The following DOK6 variants were observed in gnomAD, a reference collection of about 807,000 sequenced individuals.
DOK6 encodes the protein downstream of tyrosine kinase 6.
Under a neutral mutation model 44.0 loss-of-function variants are expected in DOK6, and 22 were observed. The ratio of observed to expected loss-of-function variants is 0.50; its 90% confidence interval spans 0.36 to 0.71. The LOEUF (loss-of-function observed/expected upper bound fraction) is 0.71, where lower values mean the gene tolerates loss of function less well. DOK6 is among the 30% of genes least tolerant of loss of function. The pLI, the probability that DOK6 is intolerant of heterozygous loss-of-function variation, is 0.00. For synonymous variants in DOK6, 166 were observed against 145.5 expected, an observed-to-expected ratio of 1.14 and a Z score of -1.01; for missense variants, 340 against 416.4, an observed-to-expected ratio of 0.82 and a Z score of 1.60.
intron 5 of DOK6, among the ~76,000 whole-genome samples, chr18:69,725,221 C>T (rs910776478): frequency 2.0e-5 from 3 of 152,180 alleles, no homozygotes; most frequent in African/African-American, 7.2e-5. Context: ...CTCATTCGGG[C>T]AGCTTTCCCG....
At chr18:69,675,340 G>A (rs58014198) in intron 3 of DOK6, among the ~76,000 whole-genome samples, 2,042 of 152,278 alleles carry the variant, frequency 0.013, 48 homozygotes, top group African/African-American at 0.047. Flanking sequence ...TGCTTAAAGA[G>A]AATATTGGCA....
chr18:69,722,974 A>C (rs1053020298), intron 5 of DOK6, among the ~76,000 whole-genome samples: 2 of 152,202 alleles, frequency 1.3e-5, no homozygotes, highest in African/African-American at 4.8e-5. Flanking sequence ...TCATGTTTTA[A>C]AAAGAGCCCC....
At chr18:69,834,960 G>A (rs959893510) in intron 7 of DOK6, among the ~76,000 whole-genome samples, 9 of 152,120 alleles carry the variant, frequency 5.9e-5, no homozygotes, top group African/African-American at 2.2e-4. Flanking sequence ...CTTGGCCTCA[G>A]GCAAGAGAGC....
chr18:69,595,996 G>A (rs1214605685), intron 2 of DOK6, among the ~76,000 whole-genome samples: 1 of 152,142 alleles, frequency 6.6e-6, no homozygotes, highest in East Asian at 1.9e-4. Flanking sequence ...TCAACCGGGT[G>A]TGGAAAAGTT....
chr18:69,699,404 A>T (rs999092432), intron 5 of DOK6, among the ~76,000 whole-genome samples: 1 of 152,200 alleles, frequency 6.6e-6, no homozygotes, highest in Non-Finnish European at 1.5e-5. Flanking sequence ...TATTTACTCA[A>T]TGTCACATTC....
chr18:69,757,167 C>G (rs1979381654), intron 6 of DOK6, among the ~76,000 whole-genome samples: 1 of 152,074 alleles, frequency 6.6e-6, no homozygotes, highest in South Asian at 2.1e-4. Flanking sequence ...TCAGAGAATA[C>G]CTTTTTTAAT....
chr18:69,604,903 A>G (rs1382449754), intron 3 of DOK6, among the ~76,000 whole-genome samples: 2 of 152,136 alleles, frequency 1.3e-5, no homozygotes, highest in Non-Finnish European at 2.9e-5. Flanking sequence ...GTACAGGTGC[A>G]GTTTTGTTAT....
intron 5 of DOK6, among the ~76,000 whole-genome samples, chr18:69,727,121 A>T (rs973120825): frequency 4.6e-5 from 7 of 152,056 alleles, no homozygotes; most frequent in African/African-American, 1.7e-4. Flanking sequence ...GGCCTCCCAG[A>T]GTGCTTGGTT....
intron 7 of DOK6, among the ~76,000 whole-genome samples, chr18:69,822,170 G>A (rs10513978): frequency 0.26 from 39,932 of 151,996 alleles, 5,254 homozygotes; most frequent in Non-Finnish European, 0.27. Context: ...GAGTCTTACT[G>A]AATAATGGGT....
chr18:69,598,822 G>T (rs1419553522), intron 2 of DOK6, among the ~76,000 whole-genome samples: 5 of 151,944 alleles, frequency 3.3e-5, no homozygotes, highest in African/African-American at 4.8e-5. Context: ...ATAAATCTTG[G>T]ATGGGCTTTG....
In DOK6 at chr18:69,601,698, A is replaced by G. The variant is rs531414161; in HGVS notation, c.289+2200A>G. On this transcript the variant is annotated intron_variant, in intron 3 of 7. Coordinates refer to ENST00000382713, the MANE Select transcript of DOK6 (RefSeq NM_152721.6). ...TTTAATTTAAAGGCCATCAAGATTT[A>G]GAATTTTAAAATAAAACTCCCAAGT... Among the ~76,000 whole-genome samples, 3 of 152,366 alleles carry G rather than the reference A, an allele frequency of 2.0e-5. No individual in the cohort carries two copies. The East Asian group carries it at 5.8e-4, about 29-fold the overall frequency.
chr18:69,469,667 A>C (rs1980034489), intron 1 of DOK6: 1 of 246,850 alleles, frequency 4.1e-6, no homozygotes, highest in Non-Finnish European at 8.4e-6. Flanking sequence ...GAGCCTGGGC[A>C]CTGCCGCCCC....
At position 69,745,495 on chromosome 18, in the gene DOK6, C is replaced by T. The variant is rs977220844; in HGVS notation, c.738+6392C>T. Among the ~76,000 whole-genome samples the T allele has an allele frequency of 5.9e-5, 9 of 152,134 alleles. No homozygotes were observed. In the East Asian group the frequency reaches 7.7e-4, roughly 13 times the overall value. ...AGAAGTATTTTTTAAATGTAGGCCA[C>T]GAAAATCTAAGGAGTTGATATAAGC... On this transcript the variant is annotated intron_variant, in intron 6 of 7. Transcript: ENST00000382713.
intron 1 of DOK6, chr18:69,483,864 G>A (rs941038636): frequency 3.9e-5 from 6 of 152,026 alleles, no homozygotes; most frequent in East Asian, 1.9e-4. Flanking sequence ...TGGCATCTCC[G>A]CTGTTAATTG....
intron 7 of DOK6, among the ~76,000 whole-genome samples, chr18:69,776,130 A>T (rs1031959226): frequency 7.2e-5 from 11 of 152,022 alleles, no homozygotes; most frequent in Non-Finnish European, 1.6e-4. Context: ...ACATCTTATA[A>T]ATATTAGACT....
intron 1 of DOK6, among the ~76,000 whole-genome samples, chr18:69,540,115 C>T (rs2144580391): frequency 6.6e-6 from 1 of 152,302 alleles, no homozygotes; most frequent in African/African-American, 2.4e-5. Context: ...AGGATCCAAT[C>T]ACCTCCCACC....
intron 1 of DOK6, among the ~76,000 whole-genome samples, chr18:69,455,156 C>CAAAAAA (rs58451274): frequency 1.0e-4 from 12 of 117,368 alleles, no homozygotes; most frequent in Non-Finnish European, 1.8e-4. Flanking sequence ...ATAGCTATAG[C>CAAAAAA]AAAAAAAAAA....
chr18:69,822,836 A>T (rs898891405), intron 7 of DOK6, among the ~76,000 whole-genome samples: 4 of 152,238 alleles, frequency 2.6e-5, no homozygotes, highest in Non-Finnish European at 4.4e-5. Context: ...TGTTGGGACC[A>T]GTGTGTTATA....
rs140275299 is a variant in DOK6 at position 69,835,674 on chromosome 18, G to A, written c.857-5570G>A. Among the ~76,000 whole-genome samples the A allele has an allele frequency of 1.7e-3, 263 of 152,244 alleles. 1 individual carries two copies. Among genetic ancestry groups the A allele is most frequent in the Non-Finnish European group, 3.0e-3 (202 of 68,022 alleles). ...AGCTTACTTGTTAAAGGATGACAGC[G>A]TCTCCTCTGTGTCTATCTAGGCCCA... is the stretch of plus-strand genomic sequence containing the variant. On this transcript the variant is annotated intron_variant, in intron 7 of 7. Transcript: ENST00000382713.
Sources: gnomAD v4.1 joint callset for allele counts (sites outside exome capture counted in the v4.1 genomes callset) on GRCh38, gnomAD v4.1.1 for gene constraint, MANE v1.5 for transcripts, NCBI Gene and HGNC (gene_info 2026-07-23, HGNC 2026-07-21) for gene names.